ZNF556: variants seen among roughly 807,000 people sequenced by gnomAD.
ZNF556 encodes zinc finger protein 556.
In ZNF556, 11 loss-of-function variants were observed where a neutral mutation model predicts 13.6. That is an observed-to-expected ratio of 0.81 (90% confidence interval 0.51 to 1.33). The LOEUF (loss-of-function observed/expected upper bound fraction) is 1.33. ZNF556 is among the 40% of genes most tolerant of loss of function. The pLI is 0.00. For synonymous variants in ZNF556, 229 were observed against 207.8 expected (o/e 1.10, Z -0.88); for missense variants, 633 against 566.2 (o/e 1.12, Z -1.20).
intron 1 of ZNF556, among the ~76,000 whole-genome samples, chr19:2,871,726 C>G (rs1271838664): frequency 1.3e-5 from 2 of 152,108 alleles, no homozygotes; most frequent in African/African-American, 2.4e-5. Flanking sequence ...TGTGCAGAGA[C>G]AAGAGAGCGT....
chr19:2,873,712 AGGAG>A, intron 2 of ZNF556, 90 bp downstream of exon 2: 1 of 1,467,188 alleles, frequency 6.8e-7, no homozygotes, highest in Non-Finnish European at 9.3e-7. Flanking sequence ...CCAGTGCTTT[AGGAG>A]GCTAAGGCAG....
rs889107688 is a variant in ZNF556, at chr19:2,880,550, A to T, written c.*2221A>T. ...TTGGGGAGGCCAAGGCGGGCAGATC[A>T]TGAGGTCAAGAGATCGAGACCATCC... On this transcript the variant is annotated 3_prime_UTR_variant, in exon 4 of 4. Transcript: ENST00000307635. The T allele has an allele frequency of 2.0e-5, 3 of 152,230 alleles. No individual in the cohort carries two copies. The highest frequency in any genetic ancestry group is 4.4e-5 in the Non-Finnish European group (3 of 68,108). The allele number at this position is 152,230 out of a possible 1,614,324, so 9.4% of individuals were successfully genotyped here.
chr19:2,873,435 C>A, intron 1 of ZNF556, 61 bp from the exon 2 acceptor site: 2 of 1,592,466 alleles, frequency 1.3e-6, no homozygotes, highest in South Asian at 1.1e-5. Flanking sequence ...GAACTGAGTT[C>A]AGTTCCGCAG....
chr19:2,876,306 A>G (rs2087851506), intron 3 of ZNF556, 30 bp downstream of exon 3: 1 of 1,542,990 alleles, frequency 6.5e-7, no homozygotes. Flanking sequence ...AAAAGGCAGT[A>G]TCGCCAGGCA....
chr19:2,869,361 C>CT (rs974771366), intron 1 of ZNF556, among the ~76,000 whole-genome samples: 70 of 139,064 alleles, frequency 5.0e-4, no homozygotes, highest in African/African-American at 1.6e-3. Context: ...TATATCTCCT[C>CT]TTTTTTTAAA....
chr19:2,876,011 G>A (rs1461100548), intron 2 of ZNF556, 82 bp from the exon 3 acceptor site: 1 of 1,141,164 alleles, frequency 8.8e-7, no homozygotes, highest in Non-Finnish European at 1.3e-6. Flanking sequence ...ACATAATGAA[G>A]TCATGAAACA....
intron 1 of ZNF556, among the ~76,000 whole-genome samples, chr19:2,869,018 C>T (rs1376238030): frequency 6.6e-6 from 1 of 152,228 alleles, no homozygotes; most frequent in Admixed American, 6.5e-5. Flanking sequence ...CACACCTGGC[C>T]CCTTTATCAC....
chr19:2,868,369 C>G (rs1380598637), intron 1 of ZNF556, among the ~76,000 whole-genome samples: 1 of 152,180 alleles, frequency 6.6e-6, no homozygotes, highest in African/African-American at 2.4e-5. Context: ...TTCTCCTTTT[C>G]CAGGATGGAG....
At chr19:2,874,174 T>C (rs1435567038) in intron 2 of ZNF556, among the ~76,000 whole-genome samples, 1 of 152,028 alleles carries the variant, frequency 6.6e-6, no homozygotes, top group African/African-American at 2.4e-5. Context: ...GGAGAATTGC[T>C]TGAACCCGGG....
rs372367003 is a variant in ZNF556 at position 2,867,341 on chromosome 19, C to T, written c.-81C>T. ...AGCACACCCGGCCTGCCCTGAGTGACCACAGGTGTCCCCGTCGTGCTCACC... is the reference window on the plus strand; with the variant it reads ...AGCACACCCGGCCTGCCCTGAGTGATCACAGGTGTCCCCGTCGTGCTCACC... On this transcript the variant is annotated 5_prime_UTR_variant, in exon 1 of 4. Transcript: ENST00000307635. The T allele has an allele frequency of 5.5e-5, 85 of 1,544,740 alleles. No homozygotes were observed. The East Asian group carries it at 1.6e-3, about 30-fold the overall frequency.
rs916306289 is a variant in ZNF556 at position 2,880,236 on chromosome 19, T to G, written c.*1907T>G. On this transcript the variant is annotated 3_prime_UTR_variant, in exon 4 of 4. Transcript: ENST00000307635. Reference sequence around the variant, plus strand: ...TCTCAGTATGTGTTCAGTTATTATGTTTGATTATGTATTATTAAAACAAAA... The same window carrying G: ...TCTCAGTATGTGTTCAGTTATTATGGTTGATTATGTATTATTAAAACAAAA... 4 of 152,156 alleles carry G rather than the reference T, an allele frequency of 2.6e-5. No individual in the cohort carries two copies. Among genetic ancestry groups the G allele is most frequent in the Non-Finnish European group, 4.4e-5 (3 of 68,020 alleles). 9.4% of individuals were successfully genotyped at this position (152,156 alleles called of 1,614,324 possible).
At position 2,867,444 on chromosome 19, in the gene ZNF556, C is replaced by CGAGCCG. The variant is rs761291538; in HGVS notation, c.3+32_3+37dup. 7 of 1,582,154 alleles carry CGAGCCG rather than the reference C, an allele frequency of 4.4e-6. No individual in the cohort carries two copies. Among genetic ancestry groups the CGAGCCG allele is most frequent in the South Asian group, 1.2e-5 (1 of 86,160 alleles). On this transcript the variant is annotated intron_variant, in intron 1 of 3. Coordinates refer to ENST00000307635, the MANE Select transcript of ZNF556 (RefSeq NM_024967.3). ...GACATGGTGAGTGCAGGGCAGGAGC[C>CGAGCCG]GAGCCGGAGCCGGAGCCCTGGGAGG...
At chr19:2,872,382 C>T (rs1166003980) in intron 1 of ZNF556, among the ~76,000 whole-genome samples, 1 of 151,752 alleles carries the variant, frequency 6.6e-6, no homozygotes, top group Non-Finnish European at 1.5e-5. Flanking sequence ...TCTGGTGGCC[C>T]TGTCTGGGCA....
intron 2 of ZNF556, 50 bp from the exon 3 acceptor site, chr19:2,876,043 T>C (rs781063471): frequency 6.6e-7 from 1 of 1,510,654 alleles, no homozygotes; most frequent in Admixed American, 2.3e-5. Context: ...GAATTACTTC[T>C]TTCTTTGCAG....
Position 2,877,816 on chromosome 19 carries a change from G to A in ZNF556, c.858G>A (p.Pro286=), listed in dbSNP as rs377206346. The change falls in exon 4 of 4, where the codon CCG becomes CCA. Residue 286 remains proline (P), a synonymous_variant. Transcript: ENST00000307635. ...TGATCATGCACGCCGGAGGGAGACC[G>A]TATGAGTGCAAGCAGTGTGGGAAAG... is the stretch of plus-strand genomic sequence containing the variant. The part of the protein sequence containing the change: ...VHMIMHAGGR[P]YECKQCGKAY... 136 of 1,614,058 alleles carry A rather than the reference G, an allele frequency of 8.4e-5. No homozygotes were observed. Among genetic ancestry groups the A allele is most frequent in the Admixed American group, 1.7e-4 (10 of 60,006 alleles).
intron 1 of ZNF556, among the ~76,000 whole-genome samples, chr19:2,873,133 C>CAA (rs370704982): frequency 0.48 from 67,744 of 142,036 alleles, 16,278 homozygotes; most frequent in Non-Finnish European, 0.55. Context: ...GACTCCGTCT[C>CAA]AAAAAAAAAA....
chr19:2,874,588 C>T (rs556157509), intron 2 of ZNF556, among the ~76,000 whole-genome samples: 1 of 151,638 alleles, frequency 6.6e-6, no homozygotes, highest in East Asian at 1.9e-4. Flanking sequence ...ACTAAAAATA[C>T]AAAAAATTAG....
chr19:2,874,646 A>G (rs1836321797), intron 2 of ZNF556, among the ~76,000 whole-genome samples: 1 of 150,638 alleles, frequency 6.6e-6, no homozygotes, highest in Non-Finnish European at 1.5e-5. Flanking sequence ...TGGGAGGCTG[A>G]GGCAGCAGAA....
Position 2,877,593 on chromosome 19 carries a change from T to C in ZNF556, c.635T>C (p.Phe212Ser). 1 of 1,614,150 alleles carries C rather than the reference T, an allele frequency of 6.2e-7. No homozygotes were observed. Among genetic ancestry groups the C allele is most frequent in the Non-Finnish European group, 8.5e-7 (1 of 1,180,026 alleles). The change falls in exon 4 of 4, where the codon TTT (phenylalanine) becomes TCT (serine). Residue 212 changes from phenylalanine (F) to serine (S), a missense_variant. Physicochemically the swap from Phe to Ser is radical, Grantham distance 155. Transcript: ENST00000307635. ...GCCTGTCAATCTTGCGGGAAGACATTTCTTCGTTCCCACTCTCTCACTGAA... is the reference window on the plus strand; with the variant it reads ...GCCTGTCAATCTTGCGGGAAGACATCTCTTCGTTCCCACTCTCTCACTGAA... Reference protein sequence around the residue: ...PYACQSCGKTFLRSHSLTEHV... With the variant: ...PYACQSCGKTSLRSHSLTEHV...
Sources: gnomAD v4.1 joint callset for allele counts (sites outside exome capture counted in the v4.1 genomes callset) on GRCh38, gnomAD v4.1.1 for gene constraint, MANE v1.5 for transcripts, NCBI Gene and HGNC (gene_info 2026-07-23, HGNC 2026-07-21) for gene names.